Variants in TULP4 observed in about 807,000 individuals in gnomAD.
The protein encoded by TULP4 is TUB like protein 4, also known as tubby-related protein 4.
TULP4 carries 16 observed loss-of-function variants against 129.0 expected under a neutral mutation model. The observed-to-expected ratio is 0.12, with a 90% CI of 0.08 to 0.19. TULP4 has a LOEUF of 0.19. TULP4 is among the 10% of genes least tolerant of loss of function. TULP4 has a pLI of 1.00. For missense variants in TULP4, 1,842 were observed against 2,059.1 expected, an observed-to-expected ratio of 0.89 and a Z score of 2.04; for synonymous variants, 998 against 854.0, an observed-to-expected ratio of 1.17 and a Z score of -2.94.
chr6:158,479,717 G>T, intron 6 of TULP4, 34 bp from the exon 7 acceptor site: 1 of 1,599,376 alleles, frequency 6.3e-7, no homozygotes, highest in Non-Finnish European at 8.6e-7. Context: ...AAGAGCAAAA[G>T]CTTAAGCATT....
chr6:158,400,414 G>A (rs1396675313), intron 1 of TULP4, among the ~76,000 whole-genome samples: 3 of 152,168 alleles, frequency 2.0e-5, no homozygotes, highest in African/African-American at 7.2e-5. Context: ...TTAATGTCTT[G>A]TCAATCAGAT....
At chr6:158,320,493 G>A (rs939468735) in intron 1 of TULP4, among the ~76,000 whole-genome samples, 5 of 149,454 alleles carry the variant, frequency 3.3e-5, no homozygotes, top group South Asian at 4.2e-4. Flanking sequence ...GTGCAATGGC[G>A]TAATCTTGGC....
At chr6:158,460,882 A>G (rs1562575879) in intron 5 of TULP4, among the ~76,000 whole-genome samples, 1 of 152,178 alleles carries the variant, frequency 6.6e-6, no homozygotes, top group East Asian at 1.9e-4. Flanking sequence ...ATGAATATAC[A>G]GTCATAGGTT....
chr6:158,244,716 G>A (rs907155135), intron 1 of TULP4, among the ~76,000 whole-genome samples: 3 of 152,192 alleles, frequency 2.0e-5, no homozygotes, highest in Non-Finnish European at 4.4e-5. Flanking sequence ...TTGTGGCCGG[G>A]CATGGTGGCT....
At chr6:158,378,569 C>G (rs1777254231) in intron 1 of TULP4, among the ~76,000 whole-genome samples, 1 of 148,368 alleles carries the variant, frequency 6.7e-6, no homozygotes, top group African/African-American at 2.5e-5. Context: ...ACTGCAACCT[C>G]TCCCCCACCT....
At position 158,507,028 on chromosome 6, in the gene TULP4, A is replaced by G; in HGVS notation, c.*334A>G. The G allele has an allele frequency of 3.6e-6, 1 of 281,654 alleles. No homozygotes were observed. Among genetic ancestry groups the G allele is most frequent in the South Asian group, 4.7e-5 (1 of 21,432 alleles). 17.4% of individuals were successfully genotyped at this position (281,654 alleles called of 1,614,324 possible). On this transcript the variant is annotated 3_prime_UTR_variant, in exon 14 of 14. Transcript: ENST00000367097. ...TCAGAATGAAGACAGTCTGCCTTAG[A>G]GCCTGCTATTCTTTTAGACATAGGG...
intron 1 of TULP4, among the ~76,000 whole-genome samples, chr6:158,263,510 AG>A (rs2128458445): frequency 6.6e-6 from 1 of 152,392 alleles, no homozygotes; most frequent in East Asian, 1.9e-4. Context: ...GAGGGTTATT[AG>A]CCAGAAAATA....
intron 6 of TULP4, among the ~76,000 whole-genome samples, chr6:158,464,448 G>A (rs550239248): frequency 2.5e-4 from 38 of 152,316 alleles, no homozygotes; most frequent in African/African-American, 8.4e-4. Context: ...GTTAAGGTAA[G>A]GGGGTTGTGG....
At chr6:158,462,017 C>T (rs1779440550) in intron 6 of TULP4, among the ~76,000 whole-genome samples, 1 of 152,124 alleles carries the variant, frequency 6.6e-6, no homozygotes, top group Non-Finnish European at 1.5e-5. Context: ...TTCACTTATT[C>T]ACTTGTAGGA....
intron 1 of TULP4, among the ~76,000 whole-genome samples, chr6:158,248,791 C>T (rs1778081664): frequency 6.6e-6 from 1 of 151,870 alleles, no homozygotes; most frequent in South Asian, 2.1e-4. Flanking sequence ...AATAGTGATG[C>T]CTGGATTTAA....
At chr6:158,234,050 A>G (rs1777644651) in intron 1 of TULP4, among the ~76,000 whole-genome samples, 1 of 152,252 alleles carries the variant, frequency 6.6e-6, no homozygotes, top group African/African-American at 2.4e-5. Flanking sequence ...GAAGATGATT[A>G]GGAAGTCATG....
chr6:158,344,424 G>A (rs187873591), intron 1 of TULP4, among the ~76,000 whole-genome samples: 139 of 152,142 alleles, frequency 9.1e-4, no homozygotes, highest in African/African-American at 3.1e-3. Context: ...TGAAGTTCCC[G>A]CATCAAGCAA....
At chr6:158,385,525 C>A (rs78438687) in intron 1 of TULP4, among the ~76,000 whole-genome samples, 20 of 152,170 alleles carry the variant, frequency 1.3e-4, no homozygotes, top group Middle Eastern at 6.8e-3. Context: ...ACCTCAGATT[C>A]TTCGGTGAAG....
intron 1 of TULP4, among the ~76,000 whole-genome samples, chr6:158,290,785 TTTTTTTTA>T (rs1266208247): frequency 2.0e-5 from 3 of 152,192 alleles, no homozygotes; most frequent in Admixed American, 2.0e-4. Flanking sequence ...TCAAATTGTC[TTTTTTTTA>T]TTTTTTAGTT....
At position 158,464,889 on chromosome 6, in the gene TULP4, A is replaced by AGGGTTTTGCCATTTGC. The variant is rs1401384938; in HGVS notation, c.1026+3177_1026+3192dup. On this transcript the variant is annotated intron_variant, in intron 6 of 13. Coordinates refer to ENST00000367097, the MANE Select transcript of TULP4 (RefSeq NM_020245.5). ...ATTTCCCAACAAGAGATGGTTTTGC[A>AGGGTTTTGCCATTTGC]GGGTTTTGCCATTTGCGGGTTTTGC... Among the ~76,000 whole-genome samples the AGGGTTTTGCCATTTGC allele has an allele frequency of 1.2e-4, 18 of 152,330 alleles. No homozygotes were observed. The South Asian group carries it at 2.5e-3, about 21-fold the overall frequency.
intron 1 of TULP4, among the ~76,000 whole-genome samples, chr6:158,307,382 G>GT (rs1403997127): frequency 6.6e-6 from 1 of 152,216 alleles, no homozygotes; most frequent in Non-Finnish European, 1.5e-5. Context: ...ACAAGTGGTA[G>GT]TTTCTCAAAG....
chr6:158,346,376 C>G (rs992832873), intron 1 of TULP4, among the ~76,000 whole-genome samples: 1 of 152,214 alleles, frequency 6.6e-6, no homozygotes, highest in Non-Finnish European at 1.5e-5. Flanking sequence ...CGGTCCCTCC[C>G]TTTGGGGTCC....
chr6:158,451,066 A>G (rs1172367455), intron 4 of TULP4, among the ~76,000 whole-genome samples: 1 of 152,210 alleles, frequency 6.6e-6, no homozygotes, highest in Non-Finnish European at 1.5e-5. Flanking sequence ...CTCCGTTTCA[A>G]AAAAAGAAAA....
At chr6:158,373,617 A>G (rs1448828248) in intron 1 of TULP4, among the ~76,000 whole-genome samples, 2 of 152,192 alleles carry the variant, frequency 1.3e-5, no homozygotes, top group Non-Finnish European at 2.9e-5. Flanking sequence ...AGGAGAAGAC[A>G]TTTGGATTAA....
Sources: gnomAD v4.1 joint callset for allele counts (sites outside exome capture counted in the v4.1 genomes callset) on GRCh38, gnomAD v4.1.1 for gene constraint, MANE v1.5 for transcripts, NCBI Gene and HGNC (gene_info 2026-07-23, HGNC 2026-07-21) for gene names.